PRKN: variants seen among roughly 807,000 people sequenced by gnomAD.
The protein encoded by PRKN is E3 ubiquitin-protein ligase parkin.
In PRKN, 56 loss-of-function variants were observed where a neutral mutation model predicts 59.5. The observed-to-expected ratio is 0.94, with a 90% CI of 0.76 to 1.18. PRKN has a LOEUF of 1.18. Ranked by LOEUF, PRKN falls within the 50% of genes most tolerant of loss-of-function variation. The pLI is 0.00. For synonymous variants in PRKN, 250 were observed against 222.1 expected, an observed-to-expected ratio of 1.13 and a Z score of -1.12; for missense variants, 657 against 596.4, an observed-to-expected ratio of 1.10 and a Z score of -1.06.
At chr6:162,096,211 T>C (rs551691329) in intron 4 of PRKN, among the ~76,000 whole-genome samples, 1 of 152,170 alleles carries the variant, frequency 6.6e-6, no homozygotes, top group Non-Finnish European at 1.5e-5. Flanking sequence ...CAGATTAGGA[T>C]GCACCCCAAA....
chr6:161,750,387 G>C (rs1788636448), intron 7 of PRKN, among the ~76,000 whole-genome samples: 1 of 152,168 alleles, frequency 6.6e-6, no homozygotes, highest in Non-Finnish European at 1.5e-5. Flanking sequence ...TAATGTGTTG[G>C]AAGGGCTGGT....
rs1450257036 is a variant in PRKN, at chr6:161,356,026, A to T, written c.1285+4062T>A. Among the ~76,000 whole-genome samples, 2 of 152,118 alleles carry T rather than the reference A, an allele frequency of 1.3e-5. No homozygotes were observed. Among genetic ancestry groups the T allele is most frequent in the East Asian group, 3.9e-4 (2 of 5,178 alleles). On this transcript the variant is annotated intron_variant, in intron 11 of 11. Transcript: ENST00000366898. The surrounding 1 kb of genome is among the most constrained non-coding windows in gnomAD (Gnocchi z 7.8). ...GAGCTGACGTCCAGGAGCTCTGGGG[A>T]TGGGGCAGCTCTCAGGGTGGTCCTG... is the stretch of plus-strand genomic sequence containing the variant.
intron 2 of PRKN, among the ~76,000 whole-genome samples, chr6:162,422,069 C>A (rs748405397): frequency 6.6e-5 from 10 of 152,144 alleles, no homozygotes; most frequent in Admixed American, 2.6e-4. Context: ...TGGTTTGCCA[C>A]TGGGAATTCT....
chr6:161,865,679 A>G (rs2155482), intron 6 of PRKN, among the ~76,000 whole-genome samples: 46,319 of 152,074 alleles, frequency 0.3, 7,896 homozygotes, highest in Non-Finnish European at 0.38. Context: ...CACCTCTCTC[A>G]GCCTTCACAG....
chr6:162,477,408 T>C (rs1223404463), intron 1 of PRKN, among the ~76,000 whole-genome samples: 3 of 152,206 alleles, frequency 2.0e-5, no homozygotes, highest in Admixed American at 1.3e-4. Context: ...TACACACTGA[T>C]GCACGAGTTT....
chr6:162,421,563 T>A (rs1451640117), intron 2 of PRKN, among the ~76,000 whole-genome samples: 6 of 152,214 alleles, frequency 3.9e-5, no homozygotes, highest in Non-Finnish European at 8.8e-5. Flanking sequence ...TATGGCACCT[T>A]CTCAATGAGT....
intron 6 of PRKN, among the ~76,000 whole-genome samples, chr6:161,967,495 T>A (rs1280583244): frequency 6.6e-6 from 1 of 152,220 alleles, no homozygotes; most frequent in African/African-American, 2.4e-5. Flanking sequence ...ATTGTGGTAT[T>A]CTCTTAAGGT....
chr6:162,717,447 G>T (rs1778772282), intron 1 of PRKN, among the ~76,000 whole-genome samples: 1 of 151,788 alleles, frequency 6.6e-6, no homozygotes, highest in Admixed American at 6.6e-5. Context: ...AGCCAGGCAG[G>T]TTGGCATGCA....
chr6:161,996,736 G>A (rs75201074), intron 5 of PRKN, among the ~76,000 whole-genome samples: 11,999 of 152,070 alleles, frequency 0.079, 538 homozygotes, highest in Middle Eastern at 0.11. Flanking sequence ...TAGTATATGT[G>A]AAGGGAACAG....
intron 1 of PRKN, among the ~76,000 whole-genome samples, chr6:162,552,302 T>C (rs1779362694): frequency 6.6e-6 from 1 of 152,092 alleles, no homozygotes; most frequent in Non-Finnish European, 1.5e-5. Flanking sequence ...AACGGGGTTT[T>C]AGCAGGAAAG....
At chr6:162,223,612 GACACACACACACAC>G (rs34881644) in intron 3 of PRKN, among the ~76,000 whole-genome samples, 14 of 129,306 alleles carry the variant, frequency 1.1e-4, no homozygotes, top group Admixed American at 2.4e-4. Flanking sequence ...ATAGACACGT[GACACACACACACAC>G]ACACACACAC....
At chr6:162,350,524 A>G (rs1304045657) in intron 2 of PRKN, among the ~76,000 whole-genome samples, 3 of 152,154 alleles carry the variant, frequency 2.0e-5, no homozygotes, top group Non-Finnish European at 4.4e-5. Flanking sequence ...ACAGACACAA[A>G]CATGTTGACA....
chr6:162,359,553 C>T (rs997664541), intron 2 of PRKN, among the ~76,000 whole-genome samples: 3 of 150,860 alleles, frequency 2.0e-5, no homozygotes, highest in Non-Finnish European at 2.9e-5. Context: ...GTTAAGTATT[C>T]CTTTTTCTTT....
intron 2 of PRKN, among the ~76,000 whole-genome samples, chr6:162,411,325 C>T (rs1445324363): frequency 1.3e-5 from 2 of 152,132 alleles, no homozygotes; most frequent in Non-Finnish European, 2.9e-5. Flanking sequence ...ATGTGTAGCT[C>T]TTATACCGGA....
intron 1 of PRKN, among the ~76,000 whole-genome samples, chr6:162,492,080 C>T (rs1250592797): frequency 6.6e-6 from 1 of 152,150 alleles, no homozygotes; most frequent in African/African-American, 2.4e-5. Flanking sequence ...GCCTCATGCC[C>T]TCATGCCCCA....
At chr6:162,337,938 A>G (rs1402578064) in intron 2 of PRKN, among the ~76,000 whole-genome samples, 1 of 152,140 alleles carries the variant, frequency 6.6e-6, no homozygotes, top group African/African-American at 2.4e-5. Flanking sequence ...TTAATGTTAC[A>G]TAATACACAA....
intron 1 of PRKN, among the ~76,000 whole-genome samples, chr6:162,587,227 C>T (rs1335991020): frequency 6.6e-6 from 1 of 152,158 alleles, no homozygotes; most frequent in African/African-American, 2.4e-5. Context: ...CCTCTGCCTC[C>T]TGGGTTCAGG....
chr6:162,066,729 T>G (rs1317775022), intron 4 of PRKN, among the ~76,000 whole-genome samples: 1 of 152,316 alleles, frequency 6.6e-6, no homozygotes, highest in South Asian at 2.1e-4. Context: ...TAGATTTCTG[T>G]TCTTTTTAAG....
At chr6:162,503,255 C>T (rs543238882) in intron 1 of PRKN, among the ~76,000 whole-genome samples, 2 of 150,852 alleles carry the variant, frequency 1.3e-5, no homozygotes, top group Admixed American at 1.3e-4. Flanking sequence ...CTCTGCCTCC[C>T]GGGTTCAAGC....
Sources: gnomAD v4.1 joint callset for allele counts (sites outside exome capture counted in the v4.1 genomes callset) on GRCh38, gnomAD v4.1.1 for gene constraint, Gnocchi (gnomAD v3.1) non-coding constraint, MANE v1.5 for transcripts, NCBI Gene and HGNC (gene_info 2026-07-23, HGNC 2026-07-21) for gene names.